The following TAFA2 variants were observed in gnomAD, a reference collection of about 807,000 sequenced individuals.
TAFA2 encodes the protein chemokine-like protein TAFA-2.
In TAFA2, 7 loss-of-function variants were observed where a neutral mutation model predicts 18.8. The ratio of observed to expected loss-of-function variants is 0.37; its 90% CI spans 0.21 to 0.70. TAFA2 has a LOEUF of 0.70. TAFA2 is among the 30% of genes least tolerant of loss of function. TAFA2 has a pLI of 0.53. For synonymous variants in TAFA2, 60 were observed against 54.2 expected, an observed-to-expected ratio of 1.11 and a Z score of -0.47; for missense variants, 122 against 158.1, an observed-to-expected ratio of 0.77 and a Z score of 1.23.
At chr12:61,719,230 C>T (rs975628181) in intron 4 of TAFA2, among the ~76,000 whole-genome samples, 2 of 152,082 alleles carry the variant, frequency 1.3e-5, no homozygotes, top group South Asian at 2.1e-4. Context: ...AAAACTCAAC[C>T]GCCTTTGTAA....
intron 2 of TAFA2, among the ~76,000 whole-genome samples, chr12:61,858,856 C>T (rs1265134604): frequency 1.3e-5 from 2 of 152,166 alleles, no homozygotes; most frequent in Non-Finnish European, 2.9e-5. Context: ...GTGACCCAAA[C>T]ATCCATCAAC....
At chr12:61,812,146 A>G (rs1185958878) in intron 2 of TAFA2, among the ~76,000 whole-genome samples, 2 of 151,266 alleles carry the variant, frequency 1.3e-5, no homozygotes, top group Admixed American at 1.3e-4. Context: ...AGACAAGACC[A>G]CCTCAGCACA....
At chr12:62,181,536 A>T (rs1270883173) in intron 1 of TAFA2, among the ~76,000 whole-genome samples, 4 of 152,272 alleles carry the variant, frequency 2.6e-5, no homozygotes, top group Non-Finnish European at 5.9e-5. Flanking sequence ...ATTACGAACT[A>T]TATTAATCAT....
chr12:61,784,342 C>G (rs1592386241), intron 2 of TAFA2, among the ~76,000 whole-genome samples: 1 of 151,468 alleles, frequency 6.6e-6, no homozygotes, highest in East Asian at 2.0e-4. Context: ...GAGCATAGTA[C>G]TGCCAAACAC....
chr12:61,904,762 T>G (rs572120087), intron 1 of TAFA2, among the ~76,000 whole-genome samples: 1 of 152,272 alleles, frequency 6.6e-6, no homozygotes, highest in Non-Finnish European at 1.5e-5. Context: ...CCTCATTCGG[T>G]CCCACTGGAA....
At chr12:61,994,424 CTCTAG>C (rs911328684) in intron 1 of TAFA2, among the ~76,000 whole-genome samples, 6 of 152,184 alleles carry the variant, frequency 3.9e-5, no homozygotes, top group Non-Finnish European at 5.9e-5. Flanking sequence ...TCTCCTGAAA[CTCTAG>C]TCTCTCACCC....
intron 1 of TAFA2, among the ~76,000 whole-genome samples, chr12:62,185,625 T>G (rs1395947372): frequency 6.6e-6 from 1 of 152,222 alleles, no homozygotes; most frequent in Non-Finnish European, 1.5e-5. Flanking sequence ...CCAGGTTTCC[T>G]ACTTTAAATA....
intron 1 of TAFA2, among the ~76,000 whole-genome samples, chr12:62,173,083 C>G (rs1216906167): frequency 1.3e-5 from 2 of 152,120 alleles, no homozygotes; most frequent in Non-Finnish European, 2.9e-5. Flanking sequence ...ATGTTAGCTT[C>G]ATGTCCTTAT....
chr12:62,153,581 G>A (rs552591638), intron 1 of TAFA2, among the ~76,000 whole-genome samples: 1 of 152,056 alleles, frequency 6.6e-6, no homozygotes, highest in East Asian at 1.9e-4. Context: ...GAGGCAGGAG[G>A]ACCGCTTAAC....
In TAFA2 at chr12:61,737,766, T is replaced by G. The variant is rs1868328149; in HGVS notation, c.384+15856A>C. On this transcript the variant is annotated intron_variant, in intron 4 of 4. Transcript: ENST00000416284. ...TTAAAATAAATTTATTTGCTTAAAA[T>G]TATCATTATTCTATTCCTGCTACAA... Among the ~76,000 whole-genome samples, 3 of 152,120 alleles carry G rather than the reference T, an allele frequency of 2.0e-5. 1 individual carries two copies. The South Asian group carries it at 6.2e-4, about 31-fold the overall frequency.
chr12:61,818,050 C>A (rs1473665429), intron 2 of TAFA2, among the ~76,000 whole-genome samples: 1 of 152,160 alleles, frequency 6.6e-6, no homozygotes, highest in Non-Finnish European at 1.5e-5. Context: ...CCTCATAATT[C>A]AGAGCAGGAT....
intron 1 of TAFA2, among the ~76,000 whole-genome samples, chr12:62,049,135 T>C (rs1319146446): frequency 2.0e-5 from 3 of 152,178 alleles, no homozygotes; most frequent in East Asian, 1.9e-4. Flanking sequence ...AAAGGTAATA[T>C]GTCTTCTAGG....
intron 1 of TAFA2, among the ~76,000 whole-genome samples, chr12:61,925,616 G>T (rs915119052): frequency 6.6e-6 from 1 of 152,168 alleles, no homozygotes; most frequent in Non-Finnish European, 1.5e-5. Flanking sequence ...AGTGTTTAGA[G>T]GGAAATTTAT....
In TAFA2 at chr12:61,803,725, A is replaced by G. The variant is rs912537552; in HGVS notation, c.107-48701T>C. 3.9e-5 allele frequency among the ~76,000 whole-genome samples: 6 copies of G among 152,056 alleles called. No individual in the cohort carries two copies. In the East Asian group the frequency reaches 9.7e-4, roughly 24 times the overall value. On this transcript the variant is annotated intron_variant, in intron 2 of 4. Transcript: ENST00000416284. ...ATTATTTTCTAAAGTCAGAAGCATA[A>G]TAACTTCTTCTATGGCTAGTTAAAT...
chr12:62,240,759 T>TA (rs1036929637), intron 1 of TAFA2, among the ~76,000 whole-genome samples: 1 of 152,226 alleles, frequency 6.6e-6, no homozygotes, highest in African/African-American at 2.4e-5. Flanking sequence ...CATGGTCTGT[T>TA]AGGAACCAGA....
chr12:61,717,432 T>C (rs1158752465), intron 4 of TAFA2, among the ~76,000 whole-genome samples: 1 of 152,208 alleles, frequency 6.6e-6, no homozygotes, highest in Admixed American at 6.5e-5. Context: ...AGGTGACTCC[T>C]AGAGACCTGA....
At chr12:62,117,763 A>G (rs1042953711) in intron 1 of TAFA2, among the ~76,000 whole-genome samples, 18 of 152,198 alleles carry the variant, frequency 1.2e-4, no homozygotes, top group African/African-American at 4.1e-4. Context: ...CTAAACATGC[A>G]TTGATAAATA....
At chr12:62,003,060 T>C (rs1203788807) in intron 1 of TAFA2, among the ~76,000 whole-genome samples, 2 of 152,080 alleles carry the variant, frequency 1.3e-5, no homozygotes, top group African/African-American at 2.4e-5. Flanking sequence ...TCCTTTCCCC[T>C]CTCACCACCA....
At chr12:62,183,175 TAAG>T (rs1180047057) in intron 1 of TAFA2, among the ~76,000 whole-genome samples, 1 of 152,162 alleles carries the variant, frequency 6.6e-6, no homozygotes, top group Non-Finnish European at 1.5e-5. Context: ...TATTGTCTTA[TAAG>T]AAGAGACATG....
Sources: allele counts gnomAD v4.1 joint callset (sites outside exome capture counted in the v4.1 genomes callset), GRCh38; gene constraint gnomAD v4.1.1; transcripts MANE v1.5; gene names NCBI Gene and HGNC (gene_info 2026-07-23, HGNC 2026-07-21).